RNF13: variants seen among roughly 807,000 people sequenced by gnomAD.
RNF13 encodes the protein E3 ubiquitin-protein ligase RNF13.
A neutral mutation model predicts 37.7 loss-of-function variants in RNF13; 19 were observed. The ratio of observed to expected loss-of-function variants is 0.50; its 90% CI spans 0.35 to 0.74. The LOEUF (loss-of-function observed/expected upper bound fraction) is 0.74. RNF13 is among the 30% of genes least tolerant of loss of function. The pLI, the probability that RNF13 is intolerant of heterozygous loss-of-function variation, is 0.01. For synonymous variants in RNF13, 144 were observed against 157.8 expected, an observed-to-expected ratio of 0.91 and a Z score of 0.65; for missense variants, 375 against 453.0, an observed-to-expected ratio of 0.83 and a Z score of 1.56.
intron 4 of RNF13, among the ~76,000 whole-genome samples, chr3:149,888,740 CA>C (rs1442129188): frequency 2.6e-5 from 4 of 152,200 alleles, no homozygotes; most frequent in Non-Finnish European, 5.9e-5. Context: ...ACCTCTCTTA[CA>C]TTTTTACCAT....
intron 6 of RNF13, among the ~76,000 whole-genome samples, chr3:149,907,829 TATAC>T (rs759540289): frequency 7.2e-5 from 11 of 152,238 alleles, no homozygotes; most frequent in Non-Finnish European, 1.5e-4. Flanking sequence ...TCCTTGACCA[TATAC>T]TATGTGCAAT....
intron 7 of RNF13, among the ~76,000 whole-genome samples, chr3:149,919,278 A>C (rs1378139637): frequency 6.6e-6 from 1 of 152,190 alleles, no homozygotes; most frequent in Non-Finnish European, 1.5e-5. Context: ...CATATGTAAC[A>C]GATATGTATG....
chr3:149,950,889 T>G (rs1721261792), intron 8 of RNF13, among the ~76,000 whole-genome samples: 1 of 152,116 alleles, frequency 6.6e-6, no homozygotes. Flanking sequence ...TGGAGTTGGG[T>G]ATCTTCTGTT....
chr3:149,814,424 G>A (rs919739040), intron 1 of RNF13: 2 of 152,190 alleles, frequency 1.3e-5, no homozygotes, highest in African/African-American at 4.8e-5. Context: ...GACAGTGATA[G>A]CAATTAAAAA....
intron 8 of RNF13, among the ~76,000 whole-genome samples, chr3:149,932,598 A>G (rs1020093199): frequency 1.3e-5 from 2 of 152,222 alleles, no homozygotes; most frequent in Non-Finnish European, 2.9e-5. Context: ...GGCCCCACAC[A>G]AGTCTGAAAC....
Position 149,945,546 on chromosome 3 carries a change from G to T in RNF13, c.701-14510G>T, listed in dbSNP as rs554845233. Among the ~76,000 whole-genome samples, 344 of 152,334 alleles carry T rather than the reference G, an allele frequency of 2.3e-3. 2 individuals are homozygous for T. Among genetic ancestry groups the T allele is most frequent in the African/African-American group, 7.8e-3 (323 of 41,572 alleles). On this transcript the variant is annotated intron_variant, in intron 8 of 9. Transcript: ENST00000392894. ...AATCTCTGCAGACTTAAATGTCCCT[G>T]TCTGACAGCTTTGAAGAGAGTAGTG...
At chr3:149,943,439 A>G (rs1720461848) in intron 8 of RNF13, among the ~76,000 whole-genome samples, 1 of 151,774 alleles carries the variant, frequency 6.6e-6, no homozygotes, top group Non-Finnish European at 1.5e-5. Context: ...ATTAGGGTTT[A>G]CTCTTGGTGT....
rs1264546413 is a variant in RNF13 at position 149,909,278 on chromosome 3, T to C, written c.501-2700T>C. 3.2e-5 allele frequency among the ~76,000 whole-genome samples: 4 copies of C among 126,138 alleles called. No individual in the cohort carries two copies. In the South Asian group the frequency reaches 7.5e-4, roughly 24 times the overall value. 82.8% of individuals were successfully genotyped at this position (126,138 alleles called of 152,430 possible). A position where few individuals can be genotyped will look rare whatever the true frequency, so the allele number is the denominator to read the frequency against. On this transcript the variant is annotated intron_variant, in intron 6 of 9. Coordinates refer to ENST00000392894, the MANE Select transcript of RNF13 (RefSeq NM_183381.3). ...CTTTTGATTCAAGATGCTCAAAACCTTTTTTTTTTTTTTTGAGACAAAGCC... is the reference window on the plus strand; with the variant it reads ...CTTTTGATTCAAGATGCTCAAAACCCTTTTTTTTTTTTTTGAGACAAAGCC...
chr3:149,932,029 G>A (rs1719207480), intron 8 of RNF13, among the ~76,000 whole-genome samples: 4 of 152,036 alleles, frequency 2.6e-5, no homozygotes, highest in South Asian at 4.2e-4. Context: ...TTTTTTTATG[G>A]CTGAATAGTA....
rs765637115 is a variant in RNF13, at chr3:149,934,657, CT to C, written c.700+13442del. Among the ~76,000 whole-genome samples, 627 of 143,284 alleles carry C rather than the reference CT, an allele frequency of 4.4e-3. 7 individuals carry two copies. The East Asian group carries it at 0.052, about 12-fold the overall frequency. 94.0% of individuals were successfully genotyped at this position (143,284 alleles called of 152,430 possible). ...CACATATTTATAGTTTTCAAAGTTC[CT>C]TTTTTTTTTTTCCTGAGGCAGTGTC... On this transcript the variant is annotated intron_variant, in intron 8 of 9. Transcript: ENST00000392894.
At chr3:149,928,446 T>C (rs747154608) in intron 8 of RNF13, among the ~76,000 whole-genome samples, 1 of 152,166 alleles carries the variant, frequency 6.6e-6, no homozygotes, top group Non-Finnish European at 1.5e-5. Context: ...TCATTGAATA[T>C]CTTGGCACTC....
intron 4 of RNF13, among the ~76,000 whole-genome samples, chr3:149,875,860 T>C (rs1161548953): frequency 7.0e-5 from 2 of 28,732 alleles, no homozygotes; most frequent in African/African-American, 4.1e-4. Flanking sequence ...GAAACAGTGC[T>C]ATTTTGTCTT....
At chr3:149,946,658 C>T (rs187443616) in intron 8 of RNF13, among the ~76,000 whole-genome samples, 1 of 152,190 alleles carries the variant, frequency 6.6e-6, no homozygotes, top group East Asian at 1.9e-4. Context: ...AGTTGAATGT[C>T]TTCTCTTTTA....
intron 5 of RNF13, among the ~76,000 whole-genome samples, chr3:149,896,078 A>G (rs1309304852): frequency 6.6e-6 from 1 of 152,176 alleles, no homozygotes; most frequent in Non-Finnish European, 1.5e-5. Flanking sequence ...GTAGGGAAAA[A>G]CGAGCCAATT....
chr3:149,827,951 T>A (rs1418570044), intron 1 of RNF13, among the ~76,000 whole-genome samples: 1 of 151,974 alleles, frequency 6.6e-6, no homozygotes, highest in African/African-American at 2.4e-5. Context: ...CTCTCTATTT[T>A]TTTTTTTTTT....
intron 1 of RNF13, among the ~76,000 whole-genome samples, chr3:149,816,298 T>C (rs770498541): frequency 3.3e-5 from 5 of 152,136 alleles, no homozygotes; most frequent in African/African-American, 1.2e-4. Flanking sequence ...TGGAATTTGA[T>C]CACAGGTATT....
intron 6 of RNF13, among the ~76,000 whole-genome samples, chr3:149,905,604 A>C (rs1040649727): frequency 6.6e-6 from 1 of 151,560 alleles, no homozygotes; most frequent in African/African-American, 2.4e-5. Context: ...GTTGGTCTTG[A>C]GTCTTAATAA....
At chr3:149,892,075 C>G (rs371921592) in intron 4 of RNF13, among the ~76,000 whole-genome samples, 1 of 152,144 alleles carries the variant, frequency 6.6e-6, no homozygotes, top group South Asian at 2.1e-4. Context: ...CTTGGGAAAG[C>G]CTTCATACTT....
Position 149,902,155 on chromosome 3 carries a change from G to GA in RNF13, c.498dup (p.Gly167ArgfsTer11). The GA allele has an allele frequency of 6.8e-7, 1 of 1,462,352 alleles. No individual in the cohort carries two copies. The highest frequency in any genetic ancestry group is 9.3e-7 in the Non-Finnish European group (1 of 1,079,692). The allele number at this position is 1,462,352 out of a possible 1,614,324, so 90.6% of individuals were successfully genotyped here. ...TTCTCTGAAAGATGAATTCACATAT[G>GA]AAAAAGGGTAAGTAATGGATATAAA... On this transcript the variant is annotated frameshift_variant, in exon 6 of 10. Transcript: ENST00000392894. LOFTEE classifies it high-confidence loss of function.
Sources: allele counts gnomAD v4.1 joint callset (sites outside exome capture counted in the v4.1 genomes callset), GRCh38; gene constraint gnomAD v4.1.1; transcripts MANE v1.5; gene names NCBI Gene and HGNC (gene_info 2026-07-23, HGNC 2026-07-21).